CNTNAP2: variants seen among roughly 807,000 people sequenced by gnomAD.
CNTNAP2 encodes the protein contactin associated protein 2.
Under a neutral mutation model 155.2 loss-of-function variants are expected in CNTNAP2, and 98 were observed. The ratio of observed to expected loss-of-function variants is 0.63; its 90% CI spans 0.54 to 0.75. The LOEUF is 0.75. Among genes scored for constraint, CNTNAP2 ranks in the 30% least tolerant of loss-of-function variants. CNTNAP2 has a pLI of 0.00. For missense variants in CNTNAP2, 1,727 were observed against 1,688.1 expected (o/e 1.02, Z -0.40); for synonymous variants, 651 against 631.2 (o/e 1.03, Z -0.47).
At chr7:146,485,874 T>C (rs994984580) in intron 1 of CNTNAP2, among the ~76,000 whole-genome samples, 3 of 152,082 alleles carry the variant, frequency 2.0e-5, no homozygotes, top group Admixed American at 2.0e-4. Context: ...GTTAAAAAAT[T>C]AAAAATTGAT....
chr7:146,126,518 T>C (rs1477258659), intron 1 of CNTNAP2, among the ~76,000 whole-genome samples: 1 of 152,206 alleles, frequency 6.6e-6, no homozygotes, highest in African/African-American at 2.4e-5. Flanking sequence ...ATACATGTAA[T>C]AGTCATGTAG....
At chr7:147,649,247 T>C (rs80263367) in intron 13 of CNTNAP2, among the ~76,000 whole-genome samples, 3,726 of 152,248 alleles carry the variant, frequency 0.024, 223 homozygotes, top group Admixed American at 0.14. Context: ...ATGGAAACTC[T>C]GTGAGGTTAT....
intron 20 of CNTNAP2, among the ~76,000 whole-genome samples, chr7:148,252,491 T>A (rs1796380581): frequency 1.3e-5 from 2 of 152,174 alleles, no homozygotes; most frequent in Non-Finnish European, 2.9e-5. Context: ...CCAGAGAATA[T>A]CCACCCAGAA....
At chr7:147,496,393 G>C (rs1045105512) in intron 11 of CNTNAP2, among the ~76,000 whole-genome samples, 3 of 152,110 alleles carry the variant, frequency 2.0e-5, no homozygotes, top group Non-Finnish European at 4.4e-5. Context: ...AACTGGTAAG[G>C]CTGCTGAAAA....
At chr7:148,318,569 G>A (rs185572497) in intron 21 of CNTNAP2, among the ~76,000 whole-genome samples, 1 of 152,204 alleles carries the variant, frequency 6.6e-6, no homozygotes, top group African/African-American at 2.4e-5. Flanking sequence ...CTCACTAGGT[G>A]TTTGGACAGC....
chr7:147,855,238 G>C (rs370169304), intron 13 of CNTNAP2, among the ~76,000 whole-genome samples: 2 of 151,918 alleles, frequency 1.3e-5, no homozygotes, highest in African/African-American at 4.8e-5. Flanking sequence ...TAATGAAGGG[G>C]GAGAAGGAGA....
chr7:147,786,340 C>G (rs551977470), intron 13 of CNTNAP2, among the ~76,000 whole-genome samples: 15 of 151,120 alleles, frequency 9.9e-5, no homozygotes, highest in Middle Eastern at 3.4e-3. Context: ...CAGGTCCTCA[C>G]CAGACCCAAA....
intron 1 of CNTNAP2, among the ~76,000 whole-genome samples, chr7:146,171,111 G>A (rs113602352): frequency 0.015 from 2,321 of 152,104 alleles, 50 homozygotes; most frequent in African/African-American, 0.052. Flanking sequence ...TGGATTTTTT[G>A]TGTGTTTGTT....
At chr7:147,979,568 A>G (rs1448174895) in intron 15 of CNTNAP2, among the ~76,000 whole-genome samples, 1 of 152,172 alleles carries the variant, frequency 6.6e-6, no homozygotes, top group African/African-American at 2.4e-5. Context: ...GATTAACTTA[A>G]TATATTTATA....
In CNTNAP2 at chr7:146,721,887, A is replaced by ATTTTTTTTTTTTTTT. The variant is rs1265800742; in HGVS notation, c.98-52383_98-52382insTTTTTTTTTTTTTTT. On this transcript the variant is annotated intron_variant, in intron 1 of 23. Transcript: ENST00000361727. ...TGTGTGTGTGTGTGTATATATATAT[A>ATTTTTTTTTTTTTTT]TATTTTTTTTTTTTTTTTTGAGATG... Among the ~76,000 whole-genome samples, 3 of 81,994 alleles carry ATTTTTTTTTTTTTTT rather than the reference A, an allele frequency of 3.7e-5. 1 individual carries two copies. Among genetic ancestry groups the ATTTTTTTTTTTTTTT allele is most frequent in the African/African-American group, 4.0e-4 (2 of 4,984 alleles). The allele number at this position is 81,994 out of a possible 152,430, so 53.8% of individuals were successfully genotyped here. A position where few individuals can be genotyped will look rare whatever the true frequency, so the allele number is the denominator to read the frequency against.
intron 13 of CNTNAP2, among the ~76,000 whole-genome samples, chr7:147,694,709 C>G (rs540825143): frequency 1.3e-5 from 2 of 152,006 alleles, no homozygotes; most frequent in Non-Finnish European, 2.9e-5. Flanking sequence ...GTAGTTGATG[C>G]CTTCTCTCTC....
At chr7:146,935,815 A>T (rs566571422) in intron 3 of CNTNAP2, among the ~76,000 whole-genome samples, 4 of 152,266 alleles carry the variant, frequency 2.6e-5, no homozygotes, top group African/African-American at 9.6e-5. Flanking sequence ...CAAGCGAGTA[A>T]ACTCTTTATC....
At chr7:148,155,019 C>T (rs1216463777) in intron 17 of CNTNAP2, among the ~76,000 whole-genome samples, 2 of 152,124 alleles carry the variant, frequency 1.3e-5, no homozygotes, top group African/African-American at 4.8e-5. Context: ...TGCAAACCTG[C>T]CTCAAAAGCA....
chr7:147,558,177 TCTTA>T (rs1263072245), intron 11 of CNTNAP2, among the ~76,000 whole-genome samples: 5 of 152,138 alleles, frequency 3.3e-5, no homozygotes, highest in Non-Finnish European at 5.9e-5. Context: ...AAATAACACC[TCTTA>T]CTATTTTTAT....
intron 8 of CNTNAP2, among the ~76,000 whole-genome samples, chr7:147,245,560 G>A (rs575192442): frequency 3.9e-4 from 60 of 151,980 alleles, no homozygotes; most frequent in Non-Finnish European, 6.6e-4. Flanking sequence ...GAGGCTGGGC[G>A]CGGTGGCTCA....
intron 8 of CNTNAP2, among the ~76,000 whole-genome samples, chr7:147,249,253 G>A (rs1454757914): frequency 3.3e-5 from 5 of 152,072 alleles, no homozygotes; most frequent in African/African-American, 1.2e-4. Context: ...TTTTATGCCT[G>A]TGATTATAGG....
intron 8 of CNTNAP2, among the ~76,000 whole-genome samples, chr7:147,163,518 C>T (rs1802065885): frequency 1.3e-5 from 2 of 152,134 alleles, no homozygotes; most frequent in South Asian, 4.1e-4. Context: ...CTCCTATCTC[C>T]TATGGTTTGG....
At chr7:146,776,933 T>G (rs1436593991) in intron 2 of CNTNAP2, among the ~76,000 whole-genome samples, 2 of 152,280 alleles carry the variant, frequency 1.3e-5, no homozygotes, top group South Asian at 2.1e-4. Flanking sequence ...TTACTTTCCT[T>G]ATAGTAGTTT....
intron 5 of CNTNAP2, among the ~76,000 whole-genome samples, chr7:147,119,156 A>G (rs1801050012): frequency 6.6e-6 from 1 of 152,148 alleles, no homozygotes; most frequent in Non-Finnish European, 1.5e-5. Context: ...ACACACACAC[A>G]CTGCAGTTGA....
Sources: allele counts gnomAD v4.1 joint callset (sites outside exome capture counted in the v4.1 genomes callset), GRCh38; gene constraint gnomAD v4.1.1; transcripts MANE v1.5; gene names NCBI Gene and HGNC (gene_info 2026-07-23, HGNC 2026-07-21).